BBS4: variants seen among roughly 807,000 people sequenced by gnomAD.
BBS4 encodes the protein Bardet-Biedl syndrome 4.
Under a neutral mutation model 71.4 loss-of-function variants are expected in BBS4, and 58 were observed. The observed-to-expected ratio is 0.81, with a 90% confidence interval of 0.66 to 1.01. The LOEUF (loss-of-function observed/expected upper bound fraction) is 1.01. Ranked by LOEUF, BBS4 falls within the 50% of genes least tolerant of loss-of-function variation. BBS4 has a pLI of 0.00. For missense variants in BBS4, 660 were observed against 607.9 expected (o/e 1.09, Z -0.90); for synonymous variants, 228 against 216.8 (o/e 1.05, Z -0.46).
chr15:72,716,782 C>A lies in BBS4; in HGVS notation c.337C>A (p.Leu113Ile), dbSNP rs760909426. 1 of 1,604,852 alleles carries A rather than the reference C, an allele frequency of 6.2e-7. No homozygotes were observed. Residue 113 changes from leucine (L) to isoleucine (I), a missense_variant, in exon 6 of 16, where the codon CTT becomes ATT. Leu to Ile is a conservative substitution (Grantham distance 5, BLOSUM62 2). Transcript: ENST00000268057. ...TGGAAAATATATCTTTTACAGATTT[C>A]TTTTGGGAAAACATAAAGCTGCCAT... ...NLKQVARSLF[L>I]LGKHKAAIEV...
intron 9 of BBS4, 121 bp from the exon 10 acceptor site, chr15:72,729,495 C>T: frequency 5.8e-6 from 5 of 866,132 alleles, no homozygotes; most frequent in Non-Finnish European, 9.9e-6. Flanking sequence ...GGTGATCCAC[C>T]CACCTTAGCC....
At chr15:72,710,153 A>G (rs2065339525) in intron 3 of BBS4, among the ~76,000 whole-genome samples, 1 of 138,868 alleles carries the variant, frequency 7.2e-6, no homozygotes. Context: ...CAGCATATTA[A>G]CTTTTTTATC....
Position 72,738,371 on chromosome 15 carries a change from T to C in BBS4, c.*784T>C. 2.3e-6 allele frequency: 1 copy of C among 441,786 alleles called. No homozygotes were observed. Among genetic ancestry groups the C allele is most frequent in the Non-Finnish European group, 4.5e-6 (1 of 222,448 alleles). 27.4% of individuals were successfully genotyped at this position (441,786 alleles called of 1,614,324 possible). A position where few individuals can be genotyped will look rare whatever the true frequency, so the allele number is the denominator to read the frequency against. On this transcript the variant is annotated 3_prime_UTR_variant, in exon 16 of 16. Coordinates refer to ENST00000268057, the MANE Select transcript of BBS4 (RefSeq NM_033028.5). The stretch of plus-strand genomic sequence containing the variant: ...CTGACCAGATGCTATCAATACACTA[T>C]GTGTCCTTTTTAGAATAAAGATTAC...
At chr15:72,693,843 T>C (rs904141023) in intron 1 of BBS4, among the ~76,000 whole-genome samples, 2 of 152,102 alleles carry the variant, frequency 1.3e-5, no homozygotes, top group Non-Finnish European at 2.9e-5. Flanking sequence ...CCATTTTTAA[T>C]TGTTGAAGAG....
intron 15 of BBS4, 143 bp downstream of exon 15, chr15:72,737,106 G>C: frequency 9.4e-7 from 1 of 1,058,856 alleles, no homozygotes; most frequent in South Asian, 1.3e-5. Flanking sequence ...AAAAAACACA[G>C]GGTGGCTAAA....
At chr15:72,695,265 C>A in intron 2 of BBS4, 37 bp downstream of exon 2, 2 of 1,337,686 alleles carry the variant, frequency 1.5e-6, no homozygotes, top group Non-Finnish European at 2.1e-6. Flanking sequence ...TATGTTTGCA[C>A]AGACAGATTT....
chr15:72,728,971 A>C (rs577837465), intron 9 of BBS4, among the ~76,000 whole-genome samples: 62 of 152,148 alleles, frequency 4.1e-4, no homozygotes, highest in Non-Finnish European at 7.9e-4. Flanking sequence ...GGTTGGCTCC[A>C]CGGGAGATGA....
At chr15:72,715,194 G>T in intron 4 of BBS4, 97 bp from the exon 5 acceptor site, 1 of 815,302 alleles carries the variant, frequency 1.2e-6, no homozygotes. Context: ...ACTTGATGTG[G>T]TTTCCCAGTT....
rs2065387544 is a variant in BBS4, at chr15:72,712,294, T to C, written c.207T>C (p.Ala69=). ...AGACTCAGGGATTGTGTGAATATGC[T>C]ATCTATGTCCAAGGTAAGACACATA... is the stretch of plus-strand genomic sequence containing the variant. ...LQETQGLCEY[A]IYVQALIFRL... Residue 69 remains alanine (A), a synonymous_variant, in exon 4 of 16, where the codon GCT becomes GCC. Coordinates refer to ENST00000268057, the MANE Select transcript of BBS4 (RefSeq NM_033028.5). 2 of 1,613,856 alleles carry C rather than the reference T, an allele frequency of 1.2e-6. No homozygotes were observed. The highest frequency in any genetic ancestry group is 1.7e-6 in the Non-Finnish European group (2 of 1,179,702).
intron 1 of BBS4, among the ~76,000 whole-genome samples, chr15:72,689,955 C>T (rs530564763): frequency 5.7e-4 from 86 of 152,036 alleles, no homozygotes; most frequent in Non-Finnish European, 7.8e-4. Context: ...GGACTACAGG[C>T]GCCTGCCACC....
rs28938468 is a variant in BBS4, at chr15:72,735,167, C to G, written c.1091C>G (p.Ala364Gly). The stretch of plus-strand genomic sequence containing the variant: ...AATGCCAAGAGAGCCTACGCAGAAG[C>G]AGTCCACCTGGATAAGTATGCACTT... The part of the protein sequence containing the change: ...IENAKRAYAE[A>G]VHLDKCNPLV... Residue 364 changes from alanine (A) to glycine (G), a missense_variant, in exon 13 of 16, where the codon GCA (alanine) becomes GGA (glycine). By Grantham distance (60) the Ala-to-Gly change is moderately conservative. Coordinates refer to ENST00000268057, the MANE Select transcript of BBS4 (RefSeq NM_033028.5). 1 of 1,613,528 alleles carries G rather than the reference C, an allele frequency of 6.2e-7. No homozygotes were observed. The highest frequency in any genetic ancestry group is 1.1e-5 in the South Asian group (1 of 91,058).
At chr15:72,695,155 T>C in intron 1 of BBS4, 22 bp from the exon 2 acceptor site, 2 of 1,576,272 alleles carry the variant, frequency 1.3e-6, no homozygotes. Flanking sequence ...TGCTTCAATA[T>C]AGACTACTTA....
chr15:72,686,292 A>C, intron 1 of BBS4, 41 bp downstream of exon 1: 2 of 1,556,148 alleles, frequency 1.3e-6, no homozygotes, highest in Non-Finnish European at 1.7e-6. Flanking sequence ...GCCGCAGGGC[A>C]AGGCAAGCTG....
intron 8 of BBS4, among the ~76,000 whole-genome samples, chr15:72,726,180 C>T (rs779012482): frequency 3.3e-5 from 5 of 151,476 alleles, no homozygotes; most frequent in African/African-American, 4.9e-5. Context: ...GGCGCGATCT[C>T]GCCTCACTGC....
rs377656407 is a variant in BBS4, at chr15:72,729,723, G to A, written c.711+39G>A. 152 of 1,548,326 alleles carry A rather than the reference G, an allele frequency of 9.8e-5. No individual in the cohort carries two copies. The African/African-American group carries it at 1.6e-3, about 16-fold the overall frequency. On this transcript the variant is annotated intron_variant, in intron 10 of 15. Coordinates refer to ENST00000268057, the MANE Select transcript of BBS4 (RefSeq NM_033028.5). ...TGAAGGCTCTGGCCTTCATATAGAC[G>A]GTCCCACTGCTCCTAGAGGTGATCT... is the stretch of plus-strand genomic sequence containing the variant.
At position 72,731,604 on chromosome 15, in the gene BBS4, A is replaced by G. The variant is rs752095369; in HGVS notation, c.914A>G (p.Lys305Arg). ...RANYLAPFDW[K>R]ILYNLGLVHL... The stretch of plus-strand genomic sequence containing the variant: ...AACTACTTGGCACCCTTTGATTGGA[A>G]GATTCTGTATAATTTGGGCCTTGTC... The change falls in exon 12 of 16, where the codon AAG becomes AGG. Residue 305 changes from lysine (K) to arginine (R), a missense_variant. By Grantham distance (26) the Lys-to-Arg change is conservative. Coordinates refer to ENST00000268057, the MANE Select transcript of BBS4 (RefSeq NM_033028.5). The G allele has an allele frequency of 3.1e-6, 5 of 1,614,184 alleles. No homozygotes were observed. The South Asian group carries it at 5.5e-5, about 18-fold the overall frequency.
In BBS4 at chr15:72,735,135, T is replaced by C. The variant is rs1486335679; in HGVS notation, c.1059T>C (p.Asp353=). ...LLAVALTNLE[D]IENAKRAYAE... ...CAGTGGCTCTGACCAATCTGGAAGATATAGAAAATGCCAAGAGAGCCTACG... is the reference window on the plus strand; with the variant it reads ...CAGTGGCTCTGACCAATCTGGAAGACATAGAAAATGCCAAGAGAGCCTACG... Residue 353 remains aspartate (D), a synonymous_variant, in exon 13 of 16, where the codon GAT becomes GAC. Coordinates refer to ENST00000268057, the MANE Select transcript of BBS4 (RefSeq NM_033028.5). The C allele has an allele frequency of 1.2e-6, 2 of 1,613,770 alleles. No individual in the cohort carries two copies. The highest frequency in any genetic ancestry group is 2.2e-5 in the South Asian group (2 of 91,078).
At position 72,722,860 on chromosome 15, in the gene BBS4, A is replaced by AG. The variant is rs1228550041; in HGVS notation, c.459+14dup. On this transcript the variant is annotated intron_variant, in intron 7 of 15. Coordinates refer to ENST00000268057, the MANE Select transcript of BBS4 (RefSeq NM_033028.5). ...GCAGTTCAACAAGGTAATTTATAGA[A>AG]GTGGTGATAGATTTCACTGAGGGTG... 1 of 1,610,412 alleles carries AG rather than the reference A, an allele frequency of 6.2e-7. No individual in the cohort carries two copies. Among genetic ancestry groups the AG allele is most frequent in the Non-Finnish European group, 8.5e-7 (1 of 1,176,970 alleles).
chr15:72,695,888 A>AT (rs566404062), intron 2 of BBS4, among the ~76,000 whole-genome samples: 227 of 152,296 alleles, frequency 1.5e-3, no homozygotes, highest in African/African-American at 5.3e-3. Flanking sequence ...GGTTTGTTTT[A>AT]TGGCCCACAA....
Sources: gnomAD v4.1 joint callset for allele counts (sites outside exome capture counted in the v4.1 genomes callset) on GRCh38, gnomAD v4.1.1 for gene constraint, MANE v1.5 for transcripts, NCBI Gene and HGNC (gene_info 2026-07-23, HGNC 2026-07-21) for gene names.